The following DIPK1C variants were observed in gnomAD, a reference collection of about 807,000 sequenced individuals.
DIPK1C encodes the protein familial non-conventional Alzheimer's dementia.
In DIPK1C, 33 loss-of-function variants were observed where a neutral mutation model predicts 28.0. That is an observed-to-expected ratio of 1.18 (90% CI 0.89 to 1.58). The LOEUF (loss-of-function observed/expected upper bound fraction) is 1.58, where lower values mean the gene tolerates loss of function less well. Ranked by LOEUF, DIPK1C falls within the 40% of genes most tolerant of loss-of-function variation. The pLI is 0.00. For synonymous variants in DIPK1C, 255 were observed against 248.8 expected (o/e 1.02, Z -0.23); for missense variants, 569 against 568.5 (o/e 1.00, Z -0.01).
At chr18:74,445,025 A>C (rs1176624031) in intron 2 of DIPK1C, among the ~76,000 whole-genome samples, 2 of 152,182 alleles carry the variant, frequency 1.3e-5, no homozygotes. Flanking sequence ...CGAGAAGCAG[A>C]TATCCTTGAA....
rs951826134 is a variant in DIPK1C at position 74,446,619 on chromosome 18, C to T, written c.863G>A (p.Arg288Gln). The T allele has an allele frequency of 1.8e-5, 27 of 1,460,596 alleles. No homozygotes were observed. The highest frequency in any genetic ancestry group is 3.6e-4 in the Middle Eastern group (2 of 5,578). The allele number at this position is 1,460,596 out of a possible 1,614,324, so 90.5% of individuals were successfully genotyped here. Residue 288 changes from arginine to glutamine, a missense_variant, in exon 2 of 4, where the codon CGG becomes CAG. Physicochemically the swap from Arg to Gln is conservative, Grantham distance 43 (BLOSUM62 1). Coordinates refer to ENST00000343998, the MANE Select transcript of DIPK1C (RefSeq NM_001044369.3). ...CDIKPENFAIRSDFTVVAIDV... is the reference protein window; with the variant it reads ...CDIKPENFAIQSDFTVVAIDV... ...TGCGCCACTTACTGTGAAGTCGCTC[C>T]GGATGGCAAAGTTTTCCGGCTTGAT...
chr18:74,458,603 G>GGGGTTTGGGTGTCACTCAATCGACAGCA (rs1986568803), upstream of DIPK1C, among the ~76,000 whole-genome samples: 2 of 132,442 alleles, frequency 1.5e-5, no homozygotes, highest in South Asian at 5.5e-4. Flanking sequence ...ACAGACCCTT[G>GGGGTTTGGGTGTCACTCAATCGACAGCA]GGGTTTGGGT....
upstream of DIPK1C, among the ~76,000 whole-genome samples, chr18:74,459,422 T>A (rs779949864): frequency 2.0e-5 from 3 of 152,232 alleles, no homozygotes; most frequent in Non-Finnish European, 4.4e-5. Context: ...CCTTTTCATA[T>A]TCAGCACTGT....
Position 74,457,173 on chromosome 18 carries a change from G to T in DIPK1C, c.87C>A (p.Ala29=). The T allele has an allele frequency of 7.3e-7, 1 of 1,364,048 alleles. No individual in the cohort carries two copies. Among genetic ancestry groups the T allele is most frequent in the Non-Finnish European group, 9.4e-7 (1 of 1,061,926 alleles). 84.5% of individuals were successfully genotyped at this position (1,364,048 alleles called of 1,614,324 possible). The change falls in exon 1 of 4, where the codon GCC becomes GCA. Residue 29 remains alanine (A), a synonymous_variant. Transcript: ENST00000343998. ...RCGRGTLLAF[A]AWTAGWVLAA... ...CCAGCACCCAGCCCGCGGTCCACGC[G>T]GCGAAGGCGAGGAGCGTGCCCCGCC... is the stretch of plus-strand genomic sequence containing the variant.
chr18:74,441,102 C>T (rs1206107322), intron 3 of DIPK1C, among the ~76,000 whole-genome samples: 1 of 152,214 alleles, frequency 6.6e-6, no homozygotes, highest in Non-Finnish European at 1.5e-5. Flanking sequence ...CCCTCTCCTG[C>T]TCCCACCTTA....
At chr18:74,444,931 TAAC>T (rs1986225779) in intron 2 of DIPK1C, among the ~76,000 whole-genome samples, 2 of 152,180 alleles carry the variant, frequency 1.3e-5, no homozygotes, top group South Asian at 4.1e-4. Flanking sequence ...CACAAACCAG[TAAC>T]TGGATAATCA....
chr18:74,456,218 T>C (rs952240272), intron 1 of DIPK1C, among the ~76,000 whole-genome samples: 4 of 152,250 alleles, frequency 2.6e-5, no homozygotes, highest in African/African-American at 9.6e-5. Context: ...GAAGTCTCCT[T>C]TGCGCCTGAA....
Position 74,436,407 on chromosome 18 carries a change from G to A in DIPK1C, c.*94C>T, listed in dbSNP as rs751158364. On this transcript the variant is annotated 3_prime_UTR_variant, in exon 4 of 4. Transcript: ENST00000343998. Reference sequence around the variant, plus strand: ...GGAGACCAGAACGGCACCCCAGAGAGCACAGGGGAAATGGCTCATCTTTAA... The same window carrying A: ...GGAGACCAGAACGGCACCCCAGAGAACACAGGGGAAATGGCTCATCTTTAA... The A allele has an allele frequency of 2.9e-5, 36 of 1,249,468 alleles. No homozygotes were observed. The highest frequency in any genetic ancestry group is 3.8e-5 in the Non-Finnish European group (35 of 911,686). The allele number at this position is 1,249,468 out of a possible 1,614,324, so 77.4% of individuals were successfully genotyped here.
At chr18:74,437,279 G>A (rs17809342) in intron 3 of DIPK1C, among the ~76,000 whole-genome samples, 31,267 of 152,118 alleles carry the variant, frequency 0.21, 3,414 homozygotes, top group Middle Eastern at 0.27. Context: ...ATGAAACAAA[G>A]GCATATTTGA....
In DIPK1C at chr18:74,442,135, G is replaced by A. The variant is rs201766801; in HGVS notation, c.877-19C>T. ...CCACCACCTGTAATCAAAACAGCAC[G>A]GGGCTATCAAAGGGCTACTGGTGGG... is the stretch of plus-strand genomic sequence containing the variant. On this transcript the variant is annotated intron_variant, in intron 2 of 3. Coordinates refer to ENST00000343998, the MANE Select transcript of DIPK1C (RefSeq NM_001044369.3). 2.7e-5 allele frequency: 43 copies of A among 1,612,800 alleles called. No individual in the cohort carries two copies. In the East Asian group the frequency reaches 4.2e-4, roughly 16 times the overall value.
At chr18:74,457,864 G>C (rs965371376), upstream of DIPK1C, 1 of 152,044 alleles carries the variant, frequency 6.6e-6, no homozygotes, top group African/African-American at 2.4e-5. Context: ...GTTCTGGGAC[G>C]ACCCAGCCCT....
upstream of DIPK1C, among the ~76,000 whole-genome samples, chr18:74,459,738 T>C (rs1442398254): frequency 6.6e-6 from 1 of 152,200 alleles, no homozygotes; most frequent in Non-Finnish European, 1.5e-5. Flanking sequence ...AAAATGATGC[T>C]GGCATAAAAA....
chr18:74,440,764 T>C (rs1014901258), intron 3 of DIPK1C, among the ~76,000 whole-genome samples: 5 of 152,318 alleles, frequency 3.3e-5, no homozygotes, highest in Admixed American at 2.0e-4. Flanking sequence ...ATTTTGAGGG[T>C]TGGGATCGCA....
At chr18:74,464,185 T>C in the DIPK1C span, among the ~76,000 whole-genome samples, 1 of 152,084 alleles carries the variant, frequency 6.6e-6, no homozygotes, top group Non-Finnish European at 1.5e-5. Flanking sequence ...CTGGCCCCAC[T>C]CCCCAAAAAG....
chr18:74,457,165 G>T lies in DIPK1C; in HGVS notation c.95C>A (p.Thr32Asn). 7.3e-7 allele frequency: 1 copy of T among 1,379,030 alleles called. No individual in the cohort carries two copies. The highest frequency in any genetic ancestry group is 9.3e-7 in the Non-Finnish European group (1 of 1,069,784). The allele number at this position is 1,379,030 out of a possible 1,614,324, so 85.4% of individuals were successfully genotyped here. A position where few individuals can be genotyped will look rare whatever the true frequency, so the allele number is the denominator to read the frequency against. ...CGCGGCCGCCAGCACCCAGCCCGCG[G>T]TCCACGCGGCGAAGGCGAGGAGCGT... is the stretch of plus-strand genomic sequence containing the variant. ...RGTLLAFAAW[T>N]AGWVLAAALL... Residue 32 changes from threonine (T) to asparagine (N), a missense_variant, in exon 1 of 4, where the codon ACC (threonine) becomes AAC (asparagine). By Grantham distance (65) the Thr-to-Asn change is moderately conservative. Coordinates refer to ENST00000343998, the MANE Select transcript of DIPK1C (RefSeq NM_001044369.3).
intron 3 of DIPK1C, among the ~76,000 whole-genome samples, chr18:74,439,627 A>G (rs6566805): frequency 0.79 from 119,951 of 151,924 alleles, 47,685 homozygotes; most frequent in East Asian, 0.99. Context: ...ACCAGCCTGG[A>G]CAACATAGTG....
intron 1 of DIPK1C, among the ~76,000 whole-genome samples, chr18:74,452,351 G>A (rs1355925780): frequency 1.3e-5 from 2 of 152,014 alleles, no homozygotes; most frequent in Admixed American, 6.6e-5. Flanking sequence ...CTGCAGCATT[G>A]TTCTGCATGT....
At chr18:74,459,419 A>G (rs561519385), upstream of DIPK1C, among the ~76,000 whole-genome samples, 164 of 152,342 alleles carry the variant, frequency 1.1e-3, no homozygotes, top group African/African-American at 3.8e-3. Context: ...AATCCTTTTC[A>G]TATTCAGCAC....
At chr18:74,444,090 G>C (rs1281262715) in intron 2 of DIPK1C, among the ~76,000 whole-genome samples, 2 of 151,528 alleles carry the variant, frequency 1.3e-5, no homozygotes, top group African/African-American at 4.8e-5. Context: ...CTTAATATCA[G>C]GAGAATCATA....
Sources: gnomAD v4.1 joint callset for allele counts (sites outside exome capture counted in the v4.1 genomes callset) on GRCh38, gnomAD v4.1.1 for gene constraint, MANE v1.5 for transcripts, NCBI Gene and HGNC (gene_info 2026-07-23, HGNC 2026-07-21) for gene names.